Variants in ERCC3 observed in about 807,000 individuals in gnomAD.
ERCC3 encodes general transcription and DNA repair factor IIH helicase/translocase subunit XPB.
ERCC3 carries 66 observed loss-of-function variants against 94.2 expected under a neutral mutation model. The observed-to-expected ratio is 0.70, with a 90% CI of 0.57 to 0.86. The LOEUF (loss-of-function observed/expected upper bound fraction) is 0.86. ERCC3 is among the 40% of genes least tolerant of loss of function. ERCC3 has a pLI of 0.00. For missense variants in ERCC3, 829 were observed against 987.1 expected (o/e 0.84, Z 2.15); for synonymous variants, 349 against 369.1 (o/e 0.95, Z 0.63).
In ERCC3 at chr2:127,291,278, C is replaced by T. The variant is rs925624207; in HGVS notation, c.472-1005G>A. On this transcript the variant is annotated intron_variant, in intron 3 of 14. Coordinates refer to ENST00000285398, the MANE Select transcript of ERCC3 (RefSeq NM_000122.2). The surrounding 1 kb of genome is among the most constrained non-coding windows in gnomAD (Gnocchi z 4.9). ...TTTCTTTTTTGTTGTTGTTCTGAGG[C>T]GGAGTCTCACTCTGTTGCCCAGGCT... Among the ~76,000 whole-genome samples, 5 of 152,038 alleles carry T rather than the reference C, an allele frequency of 3.3e-5. No homozygotes were observed. The highest frequency in any genetic ancestry group is 7.2e-5 in the African/African-American group (3 of 41,472).
At chr2:127,272,216 G>C (rs1684580418) in intron 11 of ERCC3, among the ~76,000 whole-genome samples, 1 of 151,732 alleles carries the variant, frequency 6.6e-6, no homozygotes, top group Admixed American at 6.6e-5. Flanking sequence ...GTAGAGACAG[G>C]GTTTCTCCAT....
chr2:127,268,599 A>G (rs1055517042), intron 12 of ERCC3, among the ~76,000 whole-genome samples: 1 of 152,158 alleles, frequency 6.6e-6, no homozygotes, highest in Non-Finnish European at 1.5e-5. Flanking sequence ...TGCTAAAAAC[A>G]GTCCCCCAAT....
intron 13 of ERCC3, chr2:127,260,431 A>T (rs1684155475): frequency 6.6e-6 from 1 of 152,242 alleles, no homozygotes; most frequent in Non-Finnish European, 1.5e-5. Context: ...AATCCTCCAA[A>T]AAACTGGGCT....
Position 127,288,824 on chromosome 2 carries a change from T to A in ERCC3, c.863A>T (p.Glu288Val). The change falls in exon 7 of 15, where the codon GAG (glutamate) becomes GTG (valine). Residue 288 changes from glutamate to valine, a missense_variant. Transcript: ENST00000285398. ...GTCATATTCTGCCAACAGAGGGTAC[T>A]CCAGGTGGATGCAACGTTTCTGGAG... is the stretch of plus-strand genomic sequence containing the variant. ...EELQKRCIHL[E>V]YPLLAEYDFR... 6.2e-7 allele frequency: 1 copy of A among 1,614,078 alleles called. No individual in the cohort carries two copies. The highest frequency in any genetic ancestry group is 8.5e-7 in the Non-Finnish European group (1 of 1,179,978).
At position 127,279,268 on chromosome 2, in the gene ERCC3, C is replaced by T. The variant is rs760111061; in HGVS notation, c.1635G>A (p.Gln545=). Residue 545 remains glutamine (Q), a synonymous_variant, in exon 10 of 15, where the codon CAG becomes CAA. Coordinates refer to ENST00000285398, the MANE Select transcript of ERCC3 (RefSeq NM_000122.2). This position sits in a 1 kb window ranked among gnomAD's most constrained non-coding sequence, Gnocchi z 4.7. ...TMNPNKFRAC[Q]FLIKFHERRN... is the part of the protein sequence containing the mutation. Reference sequence around the variant, plus strand: ...TCCTTTCATGAAACTTGATCAGAAACTGGCAAGCTCTAAATTTGTTGGGGT... The same window carrying T: ...TCCTTTCATGAAACTTGATCAGAAATTGGCAAGCTCTAAATTTGTTGGGGT... 5.0e-6 allele frequency: 8 copies of T among 1,613,592 alleles called. No individual in the cohort carries two copies. Among genetic ancestry groups the T allele is most frequent in the Admixed American group, 1.7e-5 (1 of 59,994 alleles).
rs1684295994 is a variant in ERCC3, at chr2:127,264,556, C to T, written c.1946-3210G>A. ...GTGGTGAATCATATTTATTGATTTCCACATGTTGAACCAACTTTGCATCCC... is the reference window on the plus strand; with the variant it reads ...GTGGTGAATCATATTTATTGATTTCTACATGTTGAACCAACTTTGCATCCC... On this transcript the variant is annotated intron_variant, in intron 12 of 14. Transcript: ENST00000285398. This position sits in a 1 kb window ranked among gnomAD's most constrained non-coding sequence, Gnocchi z 4.4. Among the ~76,000 whole-genome samples the T allele has an allele frequency of 6.6e-6, 1 of 152,078 alleles. No homozygotes were observed. The highest frequency in any genetic ancestry group is 2.1e-4 in the South Asian group (1 of 4,828).
intron 11 of ERCC3, among the ~76,000 whole-genome samples, chr2:127,272,207 T>C (rs1684580053): frequency 1.3e-5 from 2 of 151,960 alleles, no homozygotes; most frequent in Non-Finnish European, 2.9e-5. Flanking sequence ...GTATTTTTAG[T>C]AGAGACAGGG....
intron 8 of ERCC3, among the ~76,000 whole-genome samples, chr2:127,285,298 G>A (rs899822567): frequency 1.3e-5 from 2 of 152,154 alleles, no homozygotes; most frequent in African/African-American, 2.4e-5. Flanking sequence ...AGTGGCTCAC[G>A]TCTATAATCC....
chr2:127,293,872 C>G, intron 1 of ERCC3, 154 bp from the exon 2 acceptor site: 1 of 1,540,420 alleles, frequency 6.5e-7, no homozygotes, highest in Non-Finnish European at 8.7e-7. Context: ...TCCCCTAGGC[C>G]GAGTTCGCTG....
chr2:127,286,615 G>T, intron 8 of ERCC3, 88 bp downstream of exon 8: 1 of 1,251,660 alleles, frequency 8.0e-7, no homozygotes, highest in Non-Finnish European at 1.2e-6. Context: ...CAGTTGGGTG[G>T]GCTACACAGC....
In ERCC3 at chr2:127,294,083, G is replaced by A; in HGVS notation, c.-2C>T. ...GTCCGCTCGGTCTCTTTTGCCCATG[G>A]CAGCTACAGCAGCAGAGAGAAGATG... On this transcript the variant is annotated 5_prime_UTR_variant, in exon 1 of 15. Transcript: ENST00000285398. 2 of 1,607,538 alleles carry A rather than the reference G, an allele frequency of 1.2e-6. No individual in the cohort carries two copies. The highest frequency in any genetic ancestry group is 2.2e-5 in the South Asian group (2 of 90,968).
At chr2:127,289,286 C>T (rs1409669976) in intron 6 of ERCC3, 51 bp downstream of exon 6, 2 of 1,555,430 alleles carry the variant, frequency 1.3e-6, no homozygotes, top group African/African-American at 2.7e-5. Flanking sequence ...GCTGGACTAG[C>T]TTCTAACAGC....
In ERCC3 at chr2:127,292,629, C is replaced by A; in HGVS notation, c.452G>T (p.Gly151Val). Reference sequence around the variant, plus strand: ...ACTTGCCTTAATAAACTGCATAATTCCATCAGGGACTCCAGTCTTGCTGAG... The same window carrying A: ...ACTTGCCTTAATAAACTGCATAATTACATCAGGGACTCCAGTCTTGCTGAG... ...RKLSKTGVPD[G>V]IMQFIKLCTV... The change falls in exon 3 of 15, where the codon GGA becomes GTA. Residue 151 changes from glycine to valine, a missense_variant. Gly to Val is a moderately radical substitution (Grantham distance 109). Coordinates refer to ENST00000285398, the MANE Select transcript of ERCC3 (RefSeq NM_000122.2). 1 of 1,612,696 alleles carries A rather than the reference C, an allele frequency of 6.2e-7. No homozygotes were observed. Among genetic ancestry groups the A allele is most frequent in the Non-Finnish European group, 8.5e-7 (1 of 1,178,734 alleles).
At chr2:127,282,042 A>G (rs1684932986) in intron 8 of ERCC3, among the ~76,000 whole-genome samples, 1 of 152,060 alleles carries the variant, frequency 6.6e-6, no homozygotes, top group East Asian at 1.9e-4. Context: ...ACACTCTCCT[A>G]CAGCCCTGAC....
At chr2:127,293,763 G>A in intron 1 of ERCC3, 45 bp from the exon 2 acceptor site, 1 of 1,604,648 alleles carries the variant, frequency 6.2e-7, no homozygotes, top group Non-Finnish European at 8.5e-7. Flanking sequence ...GAGCCTTCAG[G>A]GTTCCCTCCG....
At chr2:127,292,131 TAGG>T (rs1188270886) in intron 3 of ERCC3, 5 of 253,974 alleles carry the variant, frequency 2.0e-5, no homozygotes, top group East Asian at 9.3e-5. Flanking sequence ...TGTCTCTTCT[TAGG>T]AGGACACTAA....
In ERCC3 at chr2:127,257,582, A is replaced by T. The variant is rs1243489854; in HGVS notation, c.*14T>A. 1 of 1,613,480 alleles carries T rather than the reference A, an allele frequency of 6.2e-7. No homozygotes were observed. Among genetic ancestry groups the T allele is most frequent in the Non-Finnish European group, 8.5e-7 (1 of 1,180,016 alleles). ...GCCAAGCGCCGGTCTTGAACGAAGT[A>T]CCCTGCCTAAGCATCATTTCCTAAA... is the stretch of plus-strand genomic sequence containing the variant. On this transcript the variant is annotated 3_prime_UTR_variant, in exon 15 of 15. Transcript: ENST00000285398. The surrounding 1 kb of genome is among the most constrained non-coding windows in gnomAD (Gnocchi z 5.4).
chr2:127,259,380 C>A lies in ERCC3; in HGVS notation c.2133G>T (p.Gln711His). The change falls in exon 14 of 15, where the codon CAG becomes CAT. Residue 711 changes from glutamine to histidine, a missense_variant. By Grantham distance (24) the Gln-to-His change is conservative. Transcript: ENST00000285398. The surrounding 1 kb of genome is among the most constrained non-coding windows in gnomAD (Gnocchi z 4.9). ...LAFSTKEEQQ[Q>H]LLQKVLAATD... Reference sequence around the variant, plus strand: ...TGGCTGCCAGGACTTTCTGTAAGAGCTGCTGTTGCTCTTCTTTTGTCGAAA... The same window carrying A: ...TGGCTGCCAGGACTTTCTGTAAGAGATGCTGTTGCTCTTCTTTTGTCGAAA... 1 of 1,614,218 alleles carries A rather than the reference C, an allele frequency of 6.2e-7. No homozygotes were observed. The highest frequency in any genetic ancestry group is 8.5e-7 in the Non-Finnish European group (1 of 1,180,036).
intron 12 of ERCC3, among the ~76,000 whole-genome samples, chr2:127,263,038 C>T (rs1374998747): frequency 3.9e-5 from 6 of 152,172 alleles, no homozygotes; most frequent in Admixed American, 1.3e-4. Flanking sequence ...TGTACCAGTA[C>T]CATGCTGTTT....
Sources: allele counts gnomAD v4.1 joint callset (sites outside exome capture counted in the v4.1 genomes callset), GRCh38; gene constraint gnomAD v4.1.1; non-coding constraint Gnocchi (gnomAD v3.1); transcripts MANE v1.5; gene names NCBI Gene and HGNC (gene_info 2026-07-23, HGNC 2026-07-21).